The following PJA2 variants were observed in gnomAD, a reference collection of about 807,000 sequenced individuals.
The protein encoded by PJA2 is praja ring finger ubiquitin ligase 2.
Under a neutral mutation model 69.3 loss-of-function variants are expected in PJA2, and 25 were observed. That is an observed-to-expected ratio of 0.36 (90% confidence interval 0.26 to 0.50). PJA2 has a LOEUF of 0.50. Among genes scored for constraint, PJA2 ranks in the 20% least tolerant of loss-of-function variants. The probability of loss-of-function intolerance (pLI) is 0.96; values close to 1 mark genes in which losing one functional copy is unlikely to be tolerated. For synonymous variants in PJA2, 308 were observed against 277.8 expected (o/e 1.11, Z -1.08); for missense variants, 809 against 830.2 (o/e 0.97, Z 0.31).
Position 109,378,868 on chromosome 5 carries a change from T to C in PJA2, c.619A>G (p.Arg207Gly). Residue 207 changes from arginine (R) to glycine (G), a missense_variant, in exon 4 of 10, where the codon AGA becomes GGA. Arg to Gly is a moderately radical substitution (Grantham distance 125). Transcript: ENST00000361189. ...AGACCAGTGTATGCCTCTGCCTCTC[T>C]GTTTTCCAACTCAAATACTGTATTG... is the stretch of plus-strand genomic sequence containing the variant. The part of the protein sequence containing the change: ...LGNTVFELEN[R>G]EAEAYTGLSP... 1 of 1,614,132 alleles carries C rather than the reference T, an allele frequency of 6.2e-7. No individual in the cohort carries two copies. The highest frequency in any genetic ancestry group is 8.5e-7 in the Non-Finnish European group (1 of 1,180,024).
chr5:109,400,919 C>T (rs546889877), intron 1 of PJA2, among the ~76,000 whole-genome samples: 1 of 152,096 alleles, frequency 6.6e-6, no homozygotes, highest in African/African-American at 2.4e-5. Flanking sequence ...GGAGGCAGAG[C>T]TTGCAGTGAG....
chr5:109,368,658 A>G lies in PJA2; in HGVS notation c.1372T>C (p.Trp458Arg). The change falls in exon 5 of 10, where the codon TGG becomes CGG. Residue 458 changes from tryptophan (W) to arginine (R), a missense_variant. Trp to Arg is a moderately radical substitution (Grantham distance 101). Around this residue, in one of 4 missense-constraint regions of PJA2, gnomAD observed 700 missense variants for 639.5 expected, o/e 1.09. Coordinates refer to ENST00000361189, the MANE Select transcript of PJA2 (RefSeq NM_014819.5). ...EKDQSSSDES[W>R]ETLPGKDENE... ...TCATCTTTTCCTGGCAGAGTCTCCC[A>G]GCTTTCATCACTTGAGGATTGATCT... The G allele has an allele frequency of 6.2e-7, 1 of 1,614,198 alleles. No homozygotes were observed. Among genetic ancestry groups the G allele is most frequent in the Non-Finnish European group, 8.5e-7 (1 of 1,180,038 alleles).
At chr5:109,364,652 A>G (rs1467889264) in intron 5 of PJA2, among the ~76,000 whole-genome samples, 1 of 151,674 alleles carries the variant, frequency 6.6e-6, no homozygotes, top group Non-Finnish European at 1.5e-5. Flanking sequence ...TTTCAGTGTC[A>G]TTCTAAGCAT....
intron 4 of PJA2, among the ~76,000 whole-genome samples, chr5:109,371,795 C>CT (rs1327164043): frequency 3.3e-5 from 5 of 152,230 alleles, no homozygotes; most frequent in Non-Finnish European, 7.3e-5. Flanking sequence ...CATTAACCCT[C>CT]TGTCTTAAGG....
chr5:109,383,914 T>C (rs1462087122), intron 1 of PJA2, among the ~76,000 whole-genome samples: 1 of 152,090 alleles, frequency 6.6e-6, no homozygotes, highest in Non-Finnish European at 1.5e-5. Context: ...GGTGACAAAG[T>C]GAGATCCCGT....
chr5:109,370,299 G>C (rs1489979549), intron 4 of PJA2, among the ~76,000 whole-genome samples: 1 of 152,084 alleles, frequency 6.6e-6, no homozygotes, highest in East Asian at 1.9e-4. Flanking sequence ...TTACATTTTT[G>C]AAAGGAAGTG....
In PJA2 at chr5:109,405,847, G is replaced by A. The variant is rs116788480; in HGVS notation, c.-88+3995C>T. 7.6e-3 allele frequency among the ~76,000 whole-genome samples: 1,154 copies of A among 152,100 alleles called. 13 individuals are homozygous for A. Among genetic ancestry groups the A allele is most frequent in the African/African-American group, 0.026 (1,080 of 41,516 alleles). ...TTAAGCAAAGAGTTCTTAGAACACA[G>A]AAGCACAAATCATAAGAAAAAGTTG... On this transcript the variant is annotated intron_variant, in intron 1 of 9. Transcript: ENST00000361189.
intron 7 of PJA2, among the ~76,000 whole-genome samples, chr5:109,345,709 G>A (rs1762163541): frequency 1.3e-5 from 2 of 152,146 alleles, no homozygotes; most frequent in Admixed American, 1.3e-4. Context: ...GAAGCTCCAG[G>A]TATGGAAGCA....
intron 1 of PJA2, among the ~76,000 whole-genome samples, chr5:109,394,633 G>C (rs776868042): frequency 6.6e-6 from 1 of 152,094 alleles, no homozygotes; most frequent in Non-Finnish European, 1.5e-5. Context: ...ATGGACCACT[G>C]AAAACTAGGC....
intron 6 of PJA2, among the ~76,000 whole-genome samples, chr5:109,361,766 G>T (rs1456145992): frequency 6.6e-6 from 1 of 152,192 alleles, no homozygotes; most frequent in Non-Finnish European, 1.5e-5. Context: ...TGGCTGTAAT[G>T]AAATCCCATT....
chr5:109,379,388 C>A, intron 3 of PJA2, 134 bp from the exon 4 acceptor site: 1 of 664,646 alleles, frequency 1.5e-6, no homozygotes. Flanking sequence ...TTACCAAGCA[C>A]TTCTATGCTC....
intron 1 of PJA2, among the ~76,000 whole-genome samples, chr5:109,386,249 A>C (rs1747153971): frequency 6.6e-6 from 1 of 152,246 alleles, no homozygotes; most frequent in African/African-American, 2.4e-5. Flanking sequence ...TGAAGTGTGA[A>C]CACCAAGTGA....
intron 1 of PJA2, among the ~76,000 whole-genome samples, chr5:109,384,338 G>C (rs1747114445): frequency 6.6e-6 from 1 of 152,184 alleles, no homozygotes; most frequent in Non-Finnish European, 1.5e-5. Context: ...ATAGTCAGTT[G>C]ATCAGATAAT....
chr5:109,357,078 C>T (rs1187546549), intron 6 of PJA2, among the ~76,000 whole-genome samples: 6 of 152,182 alleles, frequency 3.9e-5, no homozygotes, highest in African/African-American at 9.6e-5. Flanking sequence ...CAATTATCCT[C>T]TCTGCAGGTA....
chr5:109,337,429 AAC>A (rs1554052504), intron 9 of PJA2, 73 bp from the exon 10 acceptor site: 4 of 1,477,392 alleles, frequency 2.7e-6, no homozygotes, highest in East Asian at 2.5e-5. Flanking sequence ...ATAAAGAAAA[AAC>A]AGTGTCATTA....
At chr5:109,379,547 C>T (rs562750848) in intron 3 of PJA2, among the ~76,000 whole-genome samples, 1 of 152,328 alleles carries the variant, frequency 6.6e-6, no homozygotes, top group East Asian at 1.9e-4. Context: ...AGGAGAAGCT[C>T]TTGAGAGGTT....
intron 3 of PJA2, among the ~76,000 whole-genome samples, chr5:109,380,215 T>A (rs1747009625): frequency 1.4e-5 from 2 of 146,206 alleles, no homozygotes. Context: ...TGCCTCAGCC[T>A]CCCAAGTAGC....
At chr5:109,357,165 T>G (rs1762426624) in intron 6 of PJA2, among the ~76,000 whole-genome samples, 1 of 152,196 alleles carries the variant, frequency 6.6e-6, no homozygotes, top group Non-Finnish European at 1.5e-5. Flanking sequence ...GGGGGCACCC[T>G]GAGTAGATGT....
intron 4 of PJA2, among the ~76,000 whole-genome samples, chr5:109,375,143 A>C (rs976404272): frequency 1.1e-4 from 16 of 152,246 alleles, no homozygotes; most frequent in Non-Finnish European, 1.9e-4. Flanking sequence ...GCAATCATGA[A>C]TTCATTAAAA....
Sources: allele counts gnomAD v4.1 joint callset (sites outside exome capture counted in the v4.1 genomes callset), GRCh38; gene constraint gnomAD v4.1.1; regional missense constraint gnomAD v4.1.1; transcripts MANE v1.5; gene names NCBI Gene and HGNC (gene_info 2026-07-23, HGNC 2026-07-21).